Variants in PTPRN2 observed in about 807,000 individuals in gnomAD.
The protein encoded by PTPRN2 is protein tyrosine phosphatase receptor type N2.
Under a neutral mutation model 118.8 loss-of-function variants are expected in PTPRN2, and 74 were observed. The observed-to-expected ratio is 0.62, with a 90% CI of 0.52 to 0.76. The LOEUF (loss-of-function observed/expected upper bound fraction) is 0.76, where lower values mean the gene tolerates loss of function less well. Among genes scored for constraint, PTPRN2 ranks in the 30% least tolerant of loss-of-function variants. PTPRN2 has a pLI of 0.00. For synonymous variants in PTPRN2, 641 were observed against 608.0 expected, an observed-to-expected ratio of 1.05 and a Z score of -0.80; for missense variants, 1,481 against 1,394.4, an observed-to-expected ratio of 1.06 and a Z score of -0.99.
chr7:158,484,915 C>T (rs1820893716), intron 2 of PTPRN2, among the ~76,000 whole-genome samples: 1 of 152,180 alleles, frequency 6.6e-6, no homozygotes, highest in African/African-American at 2.4e-5. Context: ...GCTGTGACGC[C>T]GCCACGGGGA....
chr7:157,961,983 C>T (rs1801573311), intron 11 of PTPRN2, among the ~76,000 whole-genome samples: 1 of 152,158 alleles, frequency 6.6e-6, no homozygotes, highest in South Asian at 2.1e-4. Flanking sequence ...TCTGGAAGAG[C>T]CACTCTGTGT....
rs1829054733 is a variant in PTPRN2, at chr7:158,587,619, T to G, written c.51A>C (p.Pro17=). Residue 17 remains proline (P), a synonymous_variant, in exon 1 of 23, where the codon CCA becomes CCC. Coordinates refer to ENST00000389418, the MANE Select transcript of PTPRN2 (RefSeq NM_002847.5). Reference sequence around the variant, plus strand: ...ACGAAGGGGCGGCAGGCAGGACGCGTGGCGGCAGCAGCAGCAGTAGCAGCA... The same window carrying G: ...ACGAAGGGGCGGCAGGCAGGACGCGGGGCGGCAGCAGCAGCAGTAGCAGCA... ...LLLLLLLLLP[P]RVLPAAPSSV... is the part of the protein sequence containing the mutation. The G allele has an allele frequency of 7.4e-7, 1 of 1,359,570 alleles. No homozygotes were observed. Among genetic ancestry groups the G allele is most frequent in the Non-Finnish European group, 9.4e-7 (1 of 1,062,336 alleles). The allele number at this position is 1,359,570 out of a possible 1,614,324, so 84.2% of individuals were successfully genotyped here.
intron 13 of PTPRN2, among the ~76,000 whole-genome samples, chr7:157,667,014 C>T (rs1796170987): frequency 8.2e-6 from 1 of 121,800 alleles, no homozygotes; most frequent in Non-Finnish European, 1.9e-5. Context: ...GCAATGAGTA[C>T]ACAGCCTGAC....
rs1800371310 is a variant in PTPRN2, at chr7:157,944,899, A to C, written c.1724-46162T>G. Among the ~76,000 whole-genome samples, 1 of 152,192 alleles carries C rather than the reference A, an allele frequency of 6.6e-6. No homozygotes were observed. The highest frequency in any genetic ancestry group is 1.5e-5 in the Non-Finnish European group (1 of 68,032). On this transcript the variant is annotated intron_variant, in intron 11 of 22. Coordinates refer to ENST00000389418, the MANE Select transcript of PTPRN2 (RefSeq NM_002847.5). This position sits in a 1 kb window ranked among gnomAD's most constrained non-coding sequence, Gnocchi z 4.3. ...CACAGTCCACAGTCCACAACTCCTG[A>C]ATCCTGCCTAGTATTTATACAGTAA...
At chr7:157,998,437 C>T (rs547233091) in intron 11 of PTPRN2, among the ~76,000 whole-genome samples, 91 of 152,324 alleles carry the variant, frequency 6.0e-4, no homozygotes, top group African/African-American at 2.2e-3. Flanking sequence ...GGAGGAGCAG[C>T]AGCTCTGCCG....
intron 17 of PTPRN2, among the ~76,000 whole-genome samples, chr7:157,580,830 C>T (rs1247426662): frequency 1.1e-5 from 1 of 90,624 alleles, no homozygotes; most frequent in Non-Finnish European, 2.4e-5. Context: ...CTGCACACCC[C>T]AGCACCTGCA....
intron 6 of PTPRN2, among the ~76,000 whole-genome samples, chr7:158,155,966 T>C (rs894827203): frequency 6.6e-6 from 1 of 152,212 alleles, no homozygotes; most frequent in Admixed American, 6.5e-5. Context: ...CTCTCCTCAT[T>C]TGGGCTTCCA....
At chr7:157,773,128 C>A (rs1449427974) in intron 12 of PTPRN2, among the ~76,000 whole-genome samples, 1 of 152,188 alleles carries the variant, frequency 6.6e-6, no homozygotes, top group Non-Finnish European at 1.5e-5. Flanking sequence ...CAGTTTCCAA[C>A]CAGCAGCTCA....
intron 12 of PTPRN2, among the ~76,000 whole-genome samples, chr7:157,700,823 C>T (rs1390134880): frequency 1.3e-5 from 2 of 152,194 alleles, no homozygotes; most frequent in African/African-American, 4.8e-5. Flanking sequence ...AGGGCACCCT[C>T]ACCCTCTCCT....
intron 12 of PTPRN2, among the ~76,000 whole-genome samples, chr7:157,853,812 C>T (rs1809474221): frequency 6.6e-6 from 1 of 152,150 alleles, no homozygotes. Flanking sequence ...GTGGACGTGA[C>T]CTTATCGGGG....
At chr7:157,679,243 AAAC>A (rs1308643074) in intron 13 of PTPRN2, among the ~76,000 whole-genome samples, 3 of 152,242 alleles carry the variant, frequency 2.0e-5, no homozygotes, top group African/African-American at 7.2e-5. Flanking sequence ...TTAGAAGAAA[AAAC>A]AACATTTACT....
intron 3 of PTPRN2, among the ~76,000 whole-genome samples, chr7:158,270,771 TCCACCTG>T (rs1798286758): frequency 9.9e-6 from 1 of 100,862 alleles, no homozygotes; most frequent in Non-Finnish European, 2.0e-5. Flanking sequence ...GACCACCCCG[TCCACCTG>T]GACCACCCCT....
intron 2 of PTPRN2, among the ~76,000 whole-genome samples, chr7:158,333,890 G>T (rs1395126885): frequency 5.8e-4 from 80 of 138,780 alleles, no homozygotes; most frequent in African/African-American, 1.9e-3. Context: ...CTCACCATAA[G>T]AGCTGACACC....
intron 11 of PTPRN2, among the ~76,000 whole-genome samples, chr7:158,011,505 G>A (rs547082337): frequency 7.2e-5 from 11 of 152,298 alleles, no homozygotes; most frequent in Non-Finnish European, 1.6e-4. Flanking sequence ...TCAGACCATC[G>A]TCACCGACGA....
At chr7:158,069,933 C>A (rs1038172668) in intron 11 of PTPRN2, among the ~76,000 whole-genome samples, 1 of 152,242 alleles carries the variant, frequency 6.6e-6, no homozygotes, top group African/African-American at 2.4e-5. Context: ...AGAGAAGGCA[C>A]CCTGAGGTTT....
At chr7:158,505,607 G>T (rs1267094397) in intron 1 of PTPRN2, among the ~76,000 whole-genome samples, 1 of 152,124 alleles carries the variant, frequency 6.6e-6, no homozygotes, top group Non-Finnish European at 1.5e-5. Context: ...ATGTATTTCT[G>T]CCTCTGCCTT....
At chr7:158,244,664 G>T (rs1218007928) in intron 3 of PTPRN2, among the ~76,000 whole-genome samples, 1 of 152,104 alleles carries the variant, frequency 6.6e-6, no homozygotes, top group African/African-American at 2.4e-5. Flanking sequence ...TGTGTCAGTT[G>T]TGTGAGTTCT....
intron 11 of PTPRN2, among the ~76,000 whole-genome samples, chr7:157,947,096 C>G (rs1800533732): frequency 6.6e-6 from 1 of 152,126 alleles, no homozygotes; most frequent in Admixed American, 6.5e-5. Flanking sequence ...ATGGGAGCTG[C>G]CCTGCAGAGC....
chr7:158,449,388 C>T (rs1203612947), intron 2 of PTPRN2, among the ~76,000 whole-genome samples: 1 of 152,236 alleles, frequency 6.6e-6, no homozygotes, highest in Non-Finnish European at 1.5e-5. Flanking sequence ...GTTCAGTTTG[C>T]TCGAAGAGTG....
Sources: gnomAD v4.1 joint callset for allele counts (sites outside exome capture counted in the v4.1 genomes callset) on GRCh38, gnomAD v4.1.1 for gene constraint, Gnocchi (gnomAD v3.1) non-coding constraint, MANE v1.5 for transcripts, NCBI Gene and HGNC (gene_info 2026-07-23, HGNC 2026-07-21) for gene names.